SLC41A2: variants seen among roughly 807,000 people sequenced by gnomAD.
The protein encoded by SLC41A2 is SLC41A1-like 1.
Under a neutral mutation model 58.3 loss-of-function variants are expected in SLC41A2, and 32 were observed. The ratio of observed to expected loss-of-function variants is 0.55; its 90% CI spans 0.41 to 0.74. The LOEUF is 0.74. SLC41A2 is among the 30% of genes least tolerant of loss of function. The pLI is 0.00. For missense variants in SLC41A2, 514 were observed against 680.6 expected, an observed-to-expected ratio of 0.76 and a Z score of 2.72; for synonymous variants, 190 against 235.0, an observed-to-expected ratio of 0.81 and a Z score of 1.75.
intron 10 of SLC41A2, among the ~76,000 whole-genome samples, chr12:104,832,630 T>C (rs1267679878): frequency 6.6e-6 from 1 of 152,198 alleles, no homozygotes; most frequent in Non-Finnish European, 1.5e-5. Context: ...GTTATAGCTA[T>C]AGATAATACA....
intron 6 of SLC41A2, among the ~76,000 whole-genome samples, chr12:104,872,311 T>C (rs2043824464): frequency 6.6e-6 from 1 of 152,202 alleles, no homozygotes. Context: ...ATAAAGTCAA[T>C]TGGAGTAAAC....
rs534778209 is a variant in SLC41A2 at position 104,937,086 on chromosome 12, T to C, written c.-167-8392A>G. The stretch of plus-strand genomic sequence containing the variant: ...TGATTGTGCACTGCACCCCAGTGGA[T>C]GACAGAGCAAGACCCTGCCTCTAAA... On this transcript the variant is annotated intron_variant, in intron 1 of 10. Transcript: ENST00000258538. Among the ~76,000 whole-genome samples, 3 of 152,358 alleles carry C rather than the reference T, an allele frequency of 2.0e-5. No homozygotes were observed. In the South Asian group the frequency reaches 6.2e-4, roughly 32 times the overall value.
chr12:104,930,469 C>T (rs978532835), intron 1 of SLC41A2, among the ~76,000 whole-genome samples: 1 of 152,194 alleles, frequency 6.6e-6, no homozygotes, highest in Non-Finnish European at 1.5e-5. Context: ...TTCAACTCAT[C>T]TACCTTTTTA....
intron 6 of SLC41A2, among the ~76,000 whole-genome samples, chr12:104,874,073 G>GTTTT (rs529722018): frequency 6.8e-5 from 8 of 117,622 alleles, no homozygotes; most frequent in Admixed American, 1.7e-4. Context: ...GCCTGAGTTT[G>GTTTT]TTTTTTTTTT....
intron 10 of SLC41A2, chr12:104,834,013 TG>T: frequency 1.0e-6 from 1 of 985,352 alleles, no homozygotes; most frequent in Non-Finnish European, 1.2e-6. Flanking sequence ...TGAGAAAAGA[TG>T]GTTGAGCTTC....
chr12:104,861,953 T>G (rs2043230769), intron 7 of SLC41A2, among the ~76,000 whole-genome samples: 1 of 152,202 alleles, frequency 6.6e-6, no homozygotes, highest in South Asian at 2.1e-4. Context: ...TCTGGAAAAC[T>G]AACATATCGT....
intron 2 of SLC41A2, among the ~76,000 whole-genome samples, chr12:104,917,539 G>A (rs1012227576): frequency 5.0e-4 from 76 of 150,566 alleles, no homozygotes; most frequent in Admixed American, 3.0e-3. Context: ...TGTTTATTGC[G>A]GCACTATTCA....
At chr12:104,957,273 C>T (rs2048203592) in intron 1 of SLC41A2, among the ~76,000 whole-genome samples, 1 of 152,164 alleles carries the variant, frequency 6.6e-6, no homozygotes, top group Admixed American at 6.5e-5. Flanking sequence ...ACGCCAGACA[C>T]AAAAAGCCAC....
chr12:104,904,965 G>T (rs577430714), intron 3 of SLC41A2, among the ~76,000 whole-genome samples: 1 of 152,108 alleles, frequency 6.6e-6, no homozygotes, highest in African/African-American at 2.4e-5. Flanking sequence ...CGGGTAGCCT[G>T]CTTTTATTCT....
At chr12:104,822,176 AAT>A (rs2041665077) in intron 10 of SLC41A2, among the ~76,000 whole-genome samples, 1 of 152,212 alleles carries the variant, frequency 6.6e-6, no homozygotes, top group South Asian at 2.1e-4. Flanking sequence ...AAATAACTAA[AAT>A]AAATGAACAC....
intron 4 of SLC41A2, among the ~76,000 whole-genome samples, chr12:104,892,645 GCATAAAAACAGA>G (rs1227473880): frequency 6.6e-6 from 1 of 152,070 alleles, no homozygotes; most frequent in African/African-American, 2.4e-5. Flanking sequence ...GACAGTACTG[GCATAAAAACAGA>G]CACAAACCAA....
chr12:104,949,342 G>A (rs1224038920), intron 1 of SLC41A2, among the ~76,000 whole-genome samples: 1 of 151,994 alleles, frequency 6.6e-6, no homozygotes, highest in Non-Finnish European at 1.5e-5. Flanking sequence ...AAGAAATAAG[G>A]GAACACTTAT....
At chr12:104,856,559 A>T (rs6539170) in intron 8 of SLC41A2, among the ~76,000 whole-genome samples, 1 of 151,888 alleles carries the variant, frequency 6.6e-6, no homozygotes, top group Non-Finnish European at 1.5e-5. Context: ...TGGGATAAAA[A>T]ACTTGTGCAC....
intron 6 of SLC41A2, among the ~76,000 whole-genome samples, chr12:104,871,050 AG>A (rs1316824399): frequency 6.6e-6 from 1 of 152,220 alleles, no homozygotes; most frequent in African/African-American, 2.4e-5. Flanking sequence ...GTAAATAACC[AG>A]GTGGCATCCT....
chr12:104,901,833 C>T (rs2045580091), intron 3 of SLC41A2, among the ~76,000 whole-genome samples: 1 of 152,118 alleles, frequency 6.6e-6, no homozygotes, highest in South Asian at 2.1e-4. Context: ...GAATAACAAG[C>T]TTTAAAAACA....
chr12:104,862,699 TACA>T (rs1310588986), intron 7 of SLC41A2, among the ~76,000 whole-genome samples: 2 of 152,224 alleles, frequency 1.3e-5, no homozygotes, highest in Non-Finnish European at 2.9e-5. Context: ...ATTTATCCTA[TACA>T]ACATGTTTTG....
chr12:104,918,651 A>G lies in SLC41A2; in HGVS notation c.556-8889T>C, dbSNP rs2046446110. Among the ~76,000 whole-genome samples the G allele has an allele frequency of 2.0e-5, 3 of 148,224 alleles. No homozygotes were observed. The South Asian group carries it at 6.4e-4, about 31-fold the overall frequency. On this transcript the variant is annotated intron_variant, in intron 2 of 10. Transcript: ENST00000258538. ...ATGAAAAAAAAAAAAAAAAAAACTA[A>G]AAACAGTCATTTCTAAGGAAGGGCC... is the stretch of plus-strand genomic sequence containing the variant.
intron 10 of SLC41A2, among the ~76,000 whole-genome samples, chr12:104,805,817 G>A (rs1283359782): frequency 6.6e-6 from 1 of 152,136 alleles, no homozygotes; most frequent in African/African-American, 2.4e-5. Context: ...TTTCAGTGCA[G>A]TAGTAAGACC....
intron 2 of SLC41A2, among the ~76,000 whole-genome samples, chr12:104,918,628 GAA>G (rs34865307): frequency 6.3e-5 from 7 of 111,488 alleles, no homozygotes; most frequent in East Asian, 2.5e-4. Context: ...GGAGATACAT[GAA>G]AAAAAAAAAA....
Sources: gnomAD v4.1 joint callset for allele counts (sites outside exome capture counted in the v4.1 genomes callset) on GRCh38, gnomAD v4.1.1 for gene constraint, MANE v1.5 for transcripts, NCBI Gene and HGNC (gene_info 2026-07-23, HGNC 2026-07-21) for gene names.